EYS: variants seen among roughly 807,000 people sequenced by gnomAD.
The protein encoded by EYS is protein eyes shut homolog.
A neutral mutation model predicts 282.1 loss-of-function variants in EYS; 250 were observed. The ratio of observed to expected loss-of-function variants is 0.89; its 90% CI spans 0.80 to 0.98. EYS has a LOEUF of 0.98. EYS is among the 50% of genes least tolerant of loss of function. The pLI is 0.00. For synonymous variants in EYS, 1,355 were observed against 1,282.9 expected (o/e 1.06, Z -1.20); for missense variants, 4,016 against 3,709.0 (o/e 1.08, Z -2.15).
chr6:64,158,526 T>G (rs1184573771), intron 31 of EYS, among the ~76,000 whole-genome samples: 1 of 152,190 alleles, frequency 6.6e-6, no homozygotes, highest in Non-Finnish European at 1.5e-5. Context: ...ATAATCTGTC[T>G]CTCTTTTCCC....
At chr6:64,416,511 G>A (rs534706324) in intron 28 of EYS, among the ~76,000 whole-genome samples, 89 of 141,480 alleles carry the variant, frequency 6.3e-4, no homozygotes, top group Non-Finnish European at 1.1e-3. Flanking sequence ...TTTATAAGCC[G>A]TTAGGTCTTT....
chr6:63,834,709 C>A (rs1771753966), intron 36 of EYS, among the ~76,000 whole-genome samples: 1 of 151,628 alleles, frequency 6.6e-6, no homozygotes, highest in South Asian at 2.1e-4. Context: ...TGGGCATATA[C>A]CCAAAAGATT....
chr6:64,107,624 C>T (rs1402395778), intron 31 of EYS, among the ~76,000 whole-genome samples: 1 of 152,012 alleles, frequency 6.6e-6, no homozygotes, highest in East Asian at 1.9e-4. Context: ...AGCACCTTCA[C>T]AGACACACCC....
chr6:65,533,822 C>T (rs780273918), intron 2 of EYS, among the ~76,000 whole-genome samples: 1 of 152,014 alleles, frequency 6.6e-6, no homozygotes, highest in East Asian at 1.9e-4. Flanking sequence ...TATAAGCCAC[C>T]CAATTTATGT....
chr6:65,456,387 T>G (rs1333589635), intron 5 of EYS, among the ~76,000 whole-genome samples: 2 of 151,206 alleles, frequency 1.3e-5, no homozygotes, highest in Non-Finnish European at 2.9e-5. Context: ...GAGGCGGAGG[T>G]TGCAGTGAGT....
intron 12 of EYS, among the ~76,000 whole-genome samples, chr6:65,190,383 A>T (rs185901466): frequency 6.7e-5 from 10 of 150,234 alleles, no homozygotes; most frequent in African/African-American, 2.4e-4. Context: ...ACTATTTTAC[A>T]TTCATCGTTA....
At chr6:65,391,653 G>A (rs995125159) in intron 7 of EYS, among the ~76,000 whole-genome samples, 7 of 152,020 alleles carry the variant, frequency 4.6e-5, no homozygotes, top group African/African-American at 9.7e-5. Flanking sequence ...ACAAACCACC[G>A]CTCAAGGAAA....
At chr6:64,707,219 T>C (rs538633292) in intron 22 of EYS, among the ~76,000 whole-genome samples, 15 of 152,028 alleles carry the variant, frequency 9.9e-5, no homozygotes, top group Non-Finnish European at 1.8e-4. Flanking sequence ...TTGAAGACCA[T>C]TATTTTAAGT....
chr6:65,255,158 A>G (rs981920270), intron 12 of EYS, among the ~76,000 whole-genome samples: 6 of 151,988 alleles, frequency 3.9e-5, no homozygotes, highest in Non-Finnish European at 7.4e-5. Context: ...CCAAAATAGC[A>G]TGGTACCGGC....
At chr6:64,741,296 C>T (rs144185812) in intron 22 of EYS, among the ~76,000 whole-genome samples, 107 of 152,134 alleles carry the variant, frequency 7.0e-4, no homozygotes, top group Middle Eastern at 6.8e-3. Flanking sequence ...TTTTTTTCTG[C>T]TCAGTAAGTC....
chr6:64,938,361 C>T (rs1009297124), intron 15 of EYS, among the ~76,000 whole-genome samples: 1 of 149,954 alleles, frequency 6.7e-6, no homozygotes, highest in Non-Finnish European at 1.5e-5. Context: ...AGAGAGAGAC[C>T]ACATTGACAC....
chr6:65,616,933 T>A (rs930886041), intron 2 of EYS, among the ~76,000 whole-genome samples: 1 of 152,222 alleles, frequency 6.6e-6, no homozygotes, highest in East Asian at 1.9e-4. Context: ...AATGTTATTA[T>A]TTCCCTGGCT....
At position 63,978,279 on chromosome 6, in the gene EYS, C is replaced by A. The variant is rs761035558; in HGVS notation, c.7055+6104G>T. ...CGAAAACCTGGTTAGCTTTCCCCGC[C>A]ACCTGTTTCTCTAGCAACAAGGGCT... On this transcript the variant is annotated intron_variant, in intron 35 of 42. Transcript: ENST00000503581. Among the ~76,000 whole-genome samples, 46 of 152,062 alleles carry A rather than the reference C, an allele frequency of 3.0e-4. 1 individual carries two copies. The highest frequency in any genetic ancestry group is 8.2e-4 in the African/African-American group (34 of 41,524).
At chr6:65,119,138 A>G (rs551457985) in intron 12 of EYS, among the ~76,000 whole-genome samples, 1 of 152,302 alleles carries the variant, frequency 6.6e-6, no homozygotes, top group South Asian at 2.1e-4. Context: ...TTCTAGAAGA[A>G]CTAGTTTATG....
At chr6:65,050,747 A>G (rs930827021) in intron 13 of EYS, among the ~76,000 whole-genome samples, 29 of 151,494 alleles carry the variant, frequency 1.9e-4, no homozygotes, top group African/African-American at 6.8e-4. Flanking sequence ...AAGGCTGAAA[A>G]ACTAATTGCT....
chr6:64,118,426 A>G (rs1400685248), intron 31 of EYS, among the ~76,000 whole-genome samples: 1 of 152,138 alleles, frequency 6.6e-6, no homozygotes, highest in East Asian at 1.9e-4. Context: ...CTCCAAGAAT[A>G]TAAATTGGGG....
At position 64,507,187 on chromosome 6, in the gene EYS, A is replaced by T. The variant is rs1053944666; in HGVS notation, c.5645-67835T>A. Among the ~76,000 whole-genome samples, 18 of 151,902 alleles carry T rather than the reference A, an allele frequency of 1.2e-4. No individual in the cohort carries two copies. In the South Asian group the frequency reaches 1.9e-3, roughly 16 times the overall value. On this transcript the variant is annotated intron_variant, in intron 26 of 42. Transcript: ENST00000503581. ...TTTTTTAATAGTAGAAATAATATAAATTTTTTTTATTGTTATACTTTAAAT... is the reference window on the plus strand; with the variant it reads ...TTTTTTAATAGTAGAAATAATATAATTTTTTTTTATTGTTATACTTTAAAT...
At chr6:64,039,022 C>T (rs1241349489) in intron 33 of EYS, among the ~76,000 whole-genome samples, 1 of 152,138 alleles carries the variant, frequency 6.6e-6, no homozygotes, top group African/African-American at 2.4e-5. Flanking sequence ...CCAGGCTGGT[C>T]TCAAACTCCT....
At chr6:65,322,940 A>G (rs1769517224) in intron 11 of EYS, among the ~76,000 whole-genome samples, 4 of 151,794 alleles carry the variant, frequency 2.6e-5, no homozygotes, top group African/African-American at 9.7e-5. Context: ...TGCAAAAATT[A>G]AATAACTACT....
Sources: allele counts gnomAD v4.1 joint callset (sites outside exome capture counted in the v4.1 genomes callset), GRCh38; gene constraint gnomAD v4.1.1; transcripts MANE v1.5; gene names NCBI Gene and HGNC (gene_info 2026-07-23, HGNC 2026-07-21).